Variants in MYRIP observed in about 807,000 individuals in gnomAD.
MYRIP encodes myosin VIIA and Rab interacting protein.
In MYRIP, 49 loss-of-function variants were observed where a neutral mutation model predicts 98.0. That is an observed-to-expected ratio of 0.50 (90% CI 0.40 to 0.63). The LOEUF (loss-of-function observed/expected upper bound fraction) is 0.63, where lower values mean the gene tolerates loss of function less well. Ranked by LOEUF, MYRIP falls within the 30% of genes least tolerant of loss-of-function variation. The pLI, the probability that MYRIP is intolerant of heterozygous loss-of-function variation, is 0.00. For missense variants in MYRIP, 1,004 were observed against 1,058.2 expected (o/e 0.95, Z 0.71); for synonymous variants, 404 against 409.5 (o/e 0.99, Z 0.16).
intron 3 of MYRIP, among the ~76,000 whole-genome samples, chr3:40,082,946 T>C (rs1948512166): frequency 6.6e-6 from 1 of 152,174 alleles, no homozygotes; most frequent in Admixed American, 6.5e-5. Context: ...CAGAATAATA[T>C]TGGATCATTC....
At chr3:39,888,184 A>T (rs1046918402) in intron 1 of MYRIP, among the ~76,000 whole-genome samples, 8 of 152,134 alleles carry the variant, frequency 5.3e-5, no homozygotes, top group African/African-American at 1.7e-4. Context: ...ACTACTTTAA[A>T]GTTCATATGG....
At chr3:39,973,774 A>G (rs1945666670) in intron 2 of MYRIP, among the ~76,000 whole-genome samples, 1 of 152,222 alleles carries the variant, frequency 6.6e-6, no homozygotes, top group African/African-American at 2.4e-5. Flanking sequence ...CTACATGGAA[A>G]CTGAACAACC....
At position 40,259,351 on chromosome 3, in the gene MYRIP, T is replaced by C. The variant is rs1405419986; in HGVS notation, c.*1185T>C. 2 of 152,204 alleles carry C rather than the reference T, an allele frequency of 1.3e-5. No individual in the cohort carries two copies. The highest frequency in any genetic ancestry group is 2.9e-5 in the Non-Finnish European group (2 of 68,038). 9.4% of individuals were successfully genotyped at this position (152,204 alleles called of 1,614,324 possible). A position where few individuals can be genotyped will look rare whatever the true frequency, so the allele number is the denominator to read the frequency against. On this transcript the variant is annotated 3_prime_UTR_variant, in exon 17 of 17. Transcript: ENST00000302541. ...CCTTCTTTTATGTTTGTTCCTGATA[T>C]AGTCTGAATCTTAGGAAGAAGGTAA...
At position 39,809,618 on chromosome 3, in the gene MYRIP, C is replaced by T. The variant is rs1405450977; in HGVS notation, c.-329C>T. 1.3e-5 allele frequency: 2 copies of T among 151,710 alleles called. No homozygotes were observed. The highest frequency in any genetic ancestry group is 2.4e-5 in the African/African-American group (1 of 41,490). The allele number at this position is 151,710 out of a possible 1,614,324, so 9.4% of individuals were successfully genotyped here. A position where few individuals can be genotyped will look rare whatever the true frequency, so the allele number is the denominator to read the frequency against. On this transcript the variant is annotated 5_prime_UTR_variant, in exon 1 of 17. Coordinates refer to ENST00000302541, the MANE Select transcript of MYRIP (RefSeq NM_015460.4). Reference sequence around the variant, plus strand: ...GGCGGTGGCTGCGGCCAGGCTGGCCCTGGCTGCCTGCGGCGCGGGCGCCTC... The same window carrying T: ...GGCGGTGGCTGCGGCCAGGCTGGCCTTGGCTGCCTGCGGCGCGGGCGCCTC...
chr3:39,968,537 G>A (rs903422001), intron 2 of MYRIP, among the ~76,000 whole-genome samples: 1 of 152,132 alleles, frequency 6.6e-6, no homozygotes, highest in East Asian at 1.9e-4. Flanking sequence ...TCAATCTTCT[G>A]CATGTGGCTA....
At chr3:40,195,974 A>T (rs1220949789) in intron 10 of MYRIP, among the ~76,000 whole-genome samples, 1 of 152,086 alleles carries the variant, frequency 6.6e-6, no homozygotes, top group Non-Finnish European at 1.5e-5. Flanking sequence ...TTTCACAGGC[A>T]ATCATCTATT....
intron 3 of MYRIP, among the ~76,000 whole-genome samples, chr3:40,129,469 A>AAAAAAAAAAAAAAAAAAC (rs1949593240): frequency 6.8e-6 from 1 of 146,066 alleles, no homozygotes; most frequent in Non-Finnish European, 1.5e-5. Flanking sequence ...AAAAAAAAAA[A>AAAAAAAAAAAAAAAAAAC]AAAAAAATCA....
Position 40,129,440 on chromosome 3 carries a change from C to CAAAAAAAAAAAAAAA in MYRIP, c.333-21586_333-21572dup, listed in dbSNP as rs386396419. 4.4e-4 allele frequency among the ~76,000 whole-genome samples: 13 copies of CAAAAAAAAAAAAAAA among 29,372 alleles called. 3 individuals carry two copies. The highest frequency in any genetic ancestry group is 6.6e-4 in the Non-Finnish European group (11 of 16,748). 19.3% of individuals were successfully genotyped at this position (29,372 alleles called of 152,430 possible). A position where few individuals can be genotyped will look rare whatever the true frequency, so the allele number is the denominator to read the frequency against. On this transcript the variant is annotated intron_variant, in intron 3 of 16. Coordinates refer to ENST00000302541, the MANE Select transcript of MYRIP (RefSeq NM_015460.4). ...TGGGCGACAGAGTGAGACTCTGTCT[C>CAAAAAAAAAAAAAAA]AAAAAAAAAAAAAAAAAAAAAAAAA...
chr3:39,999,052 A>G (rs1378879955), intron 2 of MYRIP, among the ~76,000 whole-genome samples: 1 of 152,176 alleles, frequency 6.6e-6, no homozygotes, highest in Non-Finnish European at 1.5e-5. Flanking sequence ...ACTTAAATGT[A>G]AGACCTAAAA....
chr3:39,985,047 G>A (rs901820122), intron 2 of MYRIP, among the ~76,000 whole-genome samples: 64 of 127,610 alleles, frequency 5.0e-4, no homozygotes, highest in African/African-American at 2.0e-3. Context: ...GTCTGTTCAT[G>A]TCCTTCACCC....
chr3:40,100,087 G>A (rs2125890964), intron 3 of MYRIP: 1 of 985,408 alleles, frequency 1.0e-6, no homozygotes, highest in Non-Finnish European at 1.2e-6. Context: ...CTTTTCTTAA[G>A]AAGACTACCT....
At chr3:40,235,118 G>A (rs148396596) in intron 12 of MYRIP, among the ~76,000 whole-genome samples, 96 of 151,396 alleles carry the variant, frequency 6.3e-4, no homozygotes, top group African/African-American at 2.2e-3. Flanking sequence ...CCTATCACAC[G>A]CCACTCCAAA....
At chr3:39,976,889 C>A (rs1945767523) in intron 2 of MYRIP, among the ~76,000 whole-genome samples, 1 of 151,856 alleles carries the variant, frequency 6.6e-6, no homozygotes, top group Non-Finnish European at 1.5e-5. Context: ...CACACCAGGG[C>A]CCGTTGTGGG....
intron 11 of MYRIP, among the ~76,000 whole-genome samples, chr3:40,230,805 T>C (rs191997490): frequency 5.3e-5 from 8 of 152,142 alleles, no homozygotes; most frequent in Non-Finnish European, 1.2e-4. Flanking sequence ...ATATAATTTT[T>C]GTTCAGTCAC....
At chr3:40,219,562 C>T (rs1443271544) in intron 11 of MYRIP, among the ~76,000 whole-genome samples, 1 of 152,032 alleles carries the variant, frequency 6.6e-6, no homozygotes, top group South Asian at 2.1e-4. Flanking sequence ...TCAATTCCCA[C>T]CTATGAGTGA....
At chr3:40,033,079 A>G (rs1947296753) in intron 2 of MYRIP, among the ~76,000 whole-genome samples, 1 of 150,856 alleles carries the variant, frequency 6.6e-6, no homozygotes, top group Non-Finnish European at 1.5e-5. Context: ...TCAAAATAAT[A>G]AGAGCTATCT....
intron 3 of MYRIP, among the ~76,000 whole-genome samples, chr3:40,098,904 GGTGTGCATGTGTGTGCGTGTGTGTGT>G (rs1407157715): frequency 2.6e-5 from 3 of 116,926 alleles, no homozygotes; most frequent in Non-Finnish European, 5.5e-5. Flanking sequence ...AGGGTGTGTG[GGTGTGCATGTGTGTGCGTGTGTGTGT>G]GTGTGTGTGT....
At chr3:40,009,582 A>G (rs1946712151) in intron 2 of MYRIP, among the ~76,000 whole-genome samples, 1 of 152,042 alleles carries the variant, frequency 6.6e-6, no homozygotes, top group African/African-American at 2.4e-5. Context: ...GGACTTCCTG[A>G]GCAGCCCTGC....
chr3:40,058,315 T>C (rs531367983), intron 3 of MYRIP, among the ~76,000 whole-genome samples: 1 of 152,236 alleles, frequency 6.6e-6, no homozygotes, highest in African/African-American at 2.4e-5. Flanking sequence ...TCTAATAAAC[T>C]TAAGTGTGTA....
Sources: allele counts gnomAD v4.1 joint callset (sites outside exome capture counted in the v4.1 genomes callset), GRCh38; gene constraint gnomAD v4.1.1; transcripts MANE v1.5; gene names NCBI Gene and HGNC (gene_info 2026-07-23, HGNC 2026-07-21).